Variants in TNIK observed in about 807,000 individuals in gnomAD.
TNIK encodes the protein TRAF2 and NCK interacting kinase.
Under a neutral mutation model 191.3 loss-of-function variants are expected in TNIK, and 49 were observed. The observed-to-expected ratio is 0.26, with a 90% CI of 0.20 to 0.32. TNIK has a LOEUF of 0.32. Among genes scored for constraint, TNIK ranks in the 10% least tolerant of loss-of-function variants. TNIK has a pLI of 1.00. For missense variants in TNIK, 1,155 were observed against 1,702.3 expected, an observed-to-expected ratio of 0.68 and a Z score of 5.66; for synonymous variants, 594 against 600.9, an observed-to-expected ratio of 0.99 and a Z score of 0.17.
At chr3:171,411,081 T>C (rs1722348722) in intron 1 of TNIK, among the ~76,000 whole-genome samples, 1 of 151,832 alleles carries the variant, frequency 6.6e-6, no homozygotes, top group African/African-American at 2.4e-5. Context: ...TTTTTTTTTT[T>C]TTAGAGACAG....
chr3:171,090,332 T>A (rs1008393996), intron 23 of TNIK, among the ~76,000 whole-genome samples: 4 of 152,150 alleles, frequency 2.6e-5, no homozygotes, highest in Non-Finnish European at 5.9e-5. Flanking sequence ...GTTCCTTCCA[T>A]GAAATACCCT....
At position 171,332,139 on chromosome 3, in the gene TNIK, G is replaced by C. The variant is rs542367372; in HGVS notation, c.123+37481C>G. Among the ~76,000 whole-genome samples, 8 of 152,278 alleles carry C rather than the reference G, an allele frequency of 5.3e-5. No individual in the cohort carries two copies. In the East Asian group the frequency reaches 1.4e-3, roughly 26 times the overall value. ...AAAATAGGCATACCTATATCTAACT[G>C]TGTGTATATGAGTAATACATCCTAT... On this transcript the variant is annotated intron_variant, in intron 2 of 32. Coordinates refer to ENST00000436636, the MANE Select transcript of TNIK (RefSeq NM_015028.4).
chr3:171,242,279 C>T (rs758624000), intron 2 of TNIK, among the ~76,000 whole-genome samples: 1 of 152,120 alleles, frequency 6.6e-6, no homozygotes, highest in Non-Finnish European at 1.5e-5. Context: ...CCTCAGTCAG[C>T]TAAGGACACC....
intron 5 of TNIK, among the ~76,000 whole-genome samples, chr3:171,192,428 G>C (rs756885184): frequency 1.3e-5 from 2 of 152,156 alleles, no homozygotes; most frequent in Non-Finnish European, 2.9e-5. Flanking sequence ...GAGACCTTTG[G>C]GTGATCAAAT....
chr3:171,130,485 G>A lies in TNIK; in HGVS notation c.1609-1607C>T, dbSNP rs534520088. 2.6e-5 allele frequency among the ~76,000 whole-genome samples: 4 copies of A among 152,316 alleles called. No homozygotes were observed. The East Asian group carries it at 7.7e-4, about 29-fold the overall frequency. On this transcript the variant is annotated intron_variant, in intron 15 of 32. Transcript: ENST00000436636. Reference sequence around the variant, plus strand: ...ATAAACCAGAACATGTGTACTTTGTGTGTGCATGTGTGCGAAGTATTACAT... The same window carrying A: ...ATAAACCAGAACATGTGTACTTTGTATGTGCATGTGTGCGAAGTATTACAT...
intron 18 of TNIK, among the ~76,000 whole-genome samples, chr3:171,122,881 C>G (rs1553821387): frequency 5.9e-5 from 9 of 152,156 alleles, no homozygotes; most frequent in Non-Finnish European, 7.4e-5. Flanking sequence ...TCTGTTACCA[C>G]AAAAAATTTG....
intron 2 of TNIK, among the ~76,000 whole-genome samples, chr3:171,271,636 A>C (rs1337085667): frequency 1.3e-5 from 2 of 152,218 alleles, no homozygotes; most frequent in African/African-American, 2.4e-5. Flanking sequence ...AAGCTATTTT[A>C]TTAAAATATT....
rs1212084853 is a variant in TNIK at position 171,369,811 on chromosome 3, T to C, written c.58-126A>G. 3 of 671,072 alleles carry C rather than the reference T, an allele frequency of 4.5e-6. No individual in the cohort carries two copies. In the African/African-American group the frequency reaches 5.3e-5, roughly 12 times the overall value. The allele number at this position is 671,072 out of a possible 1,614,324, so 41.6% of individuals were successfully genotyped here. A position where few individuals can be genotyped will look rare whatever the true frequency, so the allele number is the denominator to read the frequency against. ...CTTTAGCTTCAGGGGCTCTCATGTG[T>C]TAACATTTAATACTATCAAAATTTT... On this transcript the variant is annotated intron_variant, in intron 1 of 32. Coordinates refer to ENST00000436636, the MANE Select transcript of TNIK (RefSeq NM_015028.4).
At chr3:171,155,258 A>G (rs1373817513) in intron 12 of TNIK, among the ~76,000 whole-genome samples, 1 of 152,242 alleles carries the variant, frequency 6.6e-6, no homozygotes, top group Non-Finnish European at 1.5e-5. Flanking sequence ...GGAAGCAGAC[A>G]TAGAAGGGGA....
chr3:171,292,668 C>T (rs1225279417), intron 2 of TNIK, among the ~76,000 whole-genome samples: 5 of 149,476 alleles, frequency 3.3e-5, no homozygotes, highest in South Asian at 2.1e-4. Context: ...CCCAGCTACT[C>T]GGGAGGCTGA....
At chr3:171,133,779 AGGT>A (rs1466530952) in intron 15 of TNIK, among the ~76,000 whole-genome samples, 5 of 152,228 alleles carry the variant, frequency 3.3e-5, no homozygotes, top group Non-Finnish European at 7.3e-5. Flanking sequence ...GAAATCACTT[AGGT>A]ATAGAGCAGA....
chr3:171,440,821 T>C (rs1349308222), intron 1 of TNIK, among the ~76,000 whole-genome samples: 1 of 152,118 alleles, frequency 6.6e-6, no homozygotes, highest in African/African-American at 2.4e-5. Flanking sequence ...ACAGTGTGCA[T>C]AACAGCATAG....
chr3:171,453,121 A>G (rs1728385064), intron 1 of TNIK, among the ~76,000 whole-genome samples: 2 of 152,236 alleles, frequency 1.3e-5, no homozygotes, highest in African/African-American at 4.8e-5. Context: ...AGGGTTGCAC[A>G]GTATATATTT....
At chr3:171,080,739 A>G (rs1032531140) in intron 27 of TNIK, among the ~76,000 whole-genome samples, 2 of 152,220 alleles carry the variant, frequency 1.3e-5, no homozygotes, top group Non-Finnish European at 2.9e-5. Context: ...AATATATACC[A>G]GCAGAAGAGA....
chr3:171,420,425 C>T (rs1723637903), intron 1 of TNIK, among the ~76,000 whole-genome samples: 1 of 152,120 alleles, frequency 6.6e-6, no homozygotes. Context: ...ACTTCTGAGG[C>T]CCAGTTCCAA....
At chr3:171,291,044 G>A (rs192767495) in intron 2 of TNIK, among the ~76,000 whole-genome samples, 2 of 151,842 alleles carry the variant, frequency 1.3e-5, no homozygotes, top group African/African-American at 4.8e-5. Flanking sequence ...TTTTTTTAGT[G>A]TTGTTTTAGA....
chr3:171,404,387 AT>A (rs1286182718), intron 1 of TNIK, among the ~76,000 whole-genome samples: 2 of 152,212 alleles, frequency 1.3e-5, no homozygotes, highest in South Asian at 2.1e-4. Context: ...ACATTTGTCA[AT>A]TTTTTTCCCT....
intron 2 of TNIK, among the ~76,000 whole-genome samples, chr3:171,266,844 T>A (rs1748464049): frequency 6.6e-6 from 1 of 152,206 alleles, no homozygotes; most frequent in African/African-American, 2.4e-5. Context: ...TAAACCGGCT[T>A]CCTTCTGTTC....
In TNIK at chr3:171,140,435, G is replaced by A; in HGVS notation, c.1296C>T (p.Arg432=). The part of the protein sequence containing the change: ...EQRRHYEEQM[R]REEERRRAEH... The stretch of plus-strand genomic sequence containing the variant: ...CCGCACGCCTCCTCTCCTCCTCCCG[G>A]CGCATCTGCTCCTCATAGTGCCGGC... Residue 432 remains arginine, a synonymous_variant, in exon 13 of 33, where the codon CGC becomes CGT. Transcript: ENST00000436636. 1 of 1,609,102 alleles carries A rather than the reference G, an allele frequency of 6.2e-7. No homozygotes were observed. The highest frequency in any genetic ancestry group is 8.5e-7 in the Non-Finnish European group (1 of 1,177,720).
Sources: gnomAD v4.1 joint callset for allele counts (sites outside exome capture counted in the v4.1 genomes callset) on GRCh38, gnomAD v4.1.1 for gene constraint, MANE v1.5 for transcripts, NCBI Gene and HGNC (gene_info 2026-07-23, HGNC 2026-07-21) for gene names.